SCUBE1: variants seen among roughly 807,000 people sequenced by gnomAD.
SCUBE1 encodes the protein signal peptide, CUB domain and EGF like domain containing 1.
A neutral mutation model predicts 124.4 loss-of-function variants in SCUBE1; 59 were observed. The ratio of observed to expected loss-of-function variants is 0.47; its 90% CI spans 0.38 to 0.59. The LOEUF is 0.59. SCUBE1 is among the 20% of genes least tolerant of loss of function. SCUBE1 has a pLI of 0.00. For missense variants in SCUBE1, 1,150 were observed against 1,371.2 expected, an observed-to-expected ratio of 0.84 and a Z score of 2.55; for synonymous variants, 545 against 550.9, an observed-to-expected ratio of 0.99 and a Z score of 0.15.
chr22:43,339,068 C>T (rs1049228547), intron 2 of SCUBE1, 36 bp downstream of exon 2: 14 of 1,611,610 alleles, frequency 8.7e-6, no homozygotes, highest in South Asian at 2.2e-5. Flanking sequence ...CCCTGGCAGC[C>T]TCAGGGTCTG....
In SCUBE1 at chr22:43,255,366, C is replaced by A; in HGVS notation, c.727+2853G>T. The A allele has an allele frequency of 2.3e-6, 2 of 852,394 alleles. No individual in the cohort carries two copies. The highest frequency in any genetic ancestry group is 3.8e-6 in the Non-Finnish European group (2 of 523,608). The allele number at this position is 852,394 out of a possible 1,614,324, so 52.8% of individuals were successfully genotyped here. ...ACAGACATATGCCCCCACACGCACA[C>A]GTCACACCCACACACAGCACACACA... On this transcript the variant is annotated intron_variant, in intron 6 of 21. Coordinates refer to ENST00000360835, the MANE Select transcript of SCUBE1 (RefSeq NM_173050.5). This position sits in a 1 kb window ranked among gnomAD's most constrained non-coding sequence, Gnocchi z 4.7.
At chr22:43,334,995 C>T (rs1927017496) in intron 2 of SCUBE1, among the ~76,000 whole-genome samples, 1 of 152,184 alleles carries the variant, frequency 6.6e-6, no homozygotes, top group Admixed American at 6.5e-5. Context: ...AGGCTGTTAA[C>T]ACCCTCTTCT....
intron 2 of SCUBE1, among the ~76,000 whole-genome samples, chr22:43,336,442 C>T (rs1927082847): frequency 6.6e-6 from 1 of 152,214 alleles, no homozygotes; most frequent in Non-Finnish European, 1.5e-5. Flanking sequence ...CCAACTCAGA[C>T]TAAATGTTTT....
chr22:43,290,296 C>T (rs1925309170), intron 4 of SCUBE1, among the ~76,000 whole-genome samples: 1 of 152,100 alleles, frequency 6.6e-6, no homozygotes, highest in African/African-American at 2.4e-5. Context: ...TCCTGGCTCT[C>T]TCCTCCAAGC....
chr22:43,244,536 C>T (rs1024795982), intron 6 of SCUBE1, among the ~76,000 whole-genome samples: 7 of 152,296 alleles, frequency 4.6e-5, no homozygotes, highest in Non-Finnish European at 8.8e-5. Context: ...AGCTGGGAGG[C>T]GAGGTGGGCA....
At chr22:43,326,391 C>A (rs1051077109) in intron 2 of SCUBE1, among the ~76,000 whole-genome samples, 8 of 152,116 alleles carry the variant, frequency 5.3e-5, no homozygotes, top group African/African-American at 1.7e-4. Flanking sequence ...ATGAATAAAT[C>A]TTAATCCGGT....
chr22:43,330,655 CA>C (rs1569034017), intron 2 of SCUBE1, among the ~76,000 whole-genome samples: 2 of 152,228 alleles, frequency 1.3e-5, no homozygotes, highest in East Asian at 1.9e-4. Context: ...AACTGAGGCT[CA>C]GGGGTGAACT....
At chr22:43,256,487 G>A (rs1923665107) in intron 6 of SCUBE1, among the ~76,000 whole-genome samples, 1 of 152,210 alleles carries the variant, frequency 6.6e-6, no homozygotes, top group African/African-American at 2.4e-5. Flanking sequence ...CTGGACAGGA[G>A]TAGAAGTAGC....
intron 4 of SCUBE1, among the ~76,000 whole-genome samples, chr22:43,286,664 A>C (rs1925157962): frequency 6.6e-6 from 1 of 152,212 alleles, no homozygotes; most frequent in African/African-American, 2.4e-5. Context: ...TCATGACTGT[A>C]CAGGAACTCT....
rs1011364262 is a variant in SCUBE1, at chr22:43,212,778, C to A, written c.2054-186G>T. The A allele has an allele frequency of 1.3e-5, 8 of 613,412 alleles. No individual in the cohort carries two copies. In the African/African-American group the frequency reaches 1.5e-4, roughly 11 times the overall value. The allele number at this position is 613,412 out of a possible 1,614,324, so 38.0% of individuals were successfully genotyped here. A position where few individuals can be genotyped will look rare whatever the true frequency, so the allele number is the denominator to read the frequency against. ...GGGTGCAGGAAGCTGGGCCCTGGTC[C>A]GGATGATGCCAGCGGTTCATGTGCG... On this transcript the variant is annotated intron_variant, in intron 16 of 21. Transcript: ENST00000360835.
chr22:43,218,166 T>C (rs1921920254), intron 15 of SCUBE1, 89 bp downstream of exon 15: 56 of 1,277,042 alleles, frequency 4.4e-5, no homozygotes, highest in Non-Finnish European at 6.3e-5. Context: ...CAGGTGTCTG[T>C]CTCACCTGCG....
intron 4 of SCUBE1, among the ~76,000 whole-genome samples, chr22:43,266,640 C>G (rs1924078098): frequency 6.6e-6 from 1 of 152,224 alleles, no homozygotes; most frequent in South Asian, 2.1e-4. Context: ...ACTGGGCTCC[C>G]AGCCTAAGTT....
intron 8 of SCUBE1, among the ~76,000 whole-genome samples, chr22:43,230,206 A>G (rs1227767941): frequency 6.6e-6 from 1 of 151,990 alleles, no homozygotes; most frequent in African/African-American, 2.4e-5. Context: ...AGTGGCTAGG[A>G]GGTAAGAGCA....
intron 4 of SCUBE1, among the ~76,000 whole-genome samples, chr22:43,290,767 A>G (rs1925327585): frequency 6.6e-6 from 1 of 152,110 alleles, no homozygotes; most frequent in African/African-American, 2.4e-5. Context: ...CCAGCCCCCA[A>G]CTCAGAAAGG....
intron 4 of SCUBE1, among the ~76,000 whole-genome samples, chr22:43,280,108 C>T (rs140041784): frequency 2.4e-4 from 37 of 152,186 alleles, no homozygotes; most frequent in African/African-American, 8.2e-4. Flanking sequence ...TTTCCCGGAC[C>T]GCATGAATCT....
chr22:43,269,389 A>T (rs1924204017), intron 4 of SCUBE1, among the ~76,000 whole-genome samples: 1 of 152,122 alleles, frequency 6.6e-6, no homozygotes, highest in Admixed American at 6.5e-5. Context: ...CTGCAATGCA[A>T]AGTTCACGGA....
At chr22:43,334,998 C>T (rs1569035815) in intron 2 of SCUBE1, among the ~76,000 whole-genome samples, 1 of 152,156 alleles carries the variant, frequency 6.6e-6, no homozygotes, top group Non-Finnish European at 1.5e-5. Flanking sequence ...CTGTTAACAC[C>T]CTCTTCTCAG....
chr22:43,247,001 G>T (rs559002589), intron 6 of SCUBE1, among the ~76,000 whole-genome samples: 5 of 152,188 alleles, frequency 3.3e-5, no homozygotes, highest in Non-Finnish European at 7.4e-5. Context: ...GGCACCAGGC[G>T]CTGTTAATCC....
At chr22:43,292,515 G>A (rs889325091) in intron 3 of SCUBE1, among the ~76,000 whole-genome samples, 2 of 149,356 alleles carry the variant, frequency 1.3e-5, no homozygotes, top group Non-Finnish European at 3.0e-5. Flanking sequence ...CCACAAAGGC[G>A]GCGTGAGCTA....
Sources: gnomAD v4.1 joint callset for allele counts (sites outside exome capture counted in the v4.1 genomes callset) on GRCh38, gnomAD v4.1.1 for gene constraint, Gnocchi (gnomAD v3.1) non-coding constraint, MANE v1.5 for transcripts, NCBI Gene and HGNC (gene_info 2026-07-23, HGNC 2026-07-21) for gene names.